The following PTPRO variants were observed in gnomAD, a reference collection of about 807,000 sequenced individuals.
PTPRO encodes protein tyrosine phosphatase receptor type O.
PTPRO carries 62 observed loss-of-function variants against 145.2 expected under a neutral mutation model. That is an observed-to-expected ratio of 0.43 (90% CI 0.35 to 0.53). PTPRO has a LOEUF of 0.53. PTPRO is among the 20% of genes least tolerant of loss of function. The pLI is 0.01. For synonymous variants in PTPRO, 565 were observed against 514.7 expected (o/e 1.10, Z -1.32); for missense variants, 1,345 against 1,482.7 (o/e 0.91, Z 1.53).
At chr12:15,527,256 G>A (rs1294413474) in intron 12 of PTPRO, among the ~76,000 whole-genome samples, 2 of 152,182 alleles carry the variant, frequency 1.3e-5, no homozygotes, top group Non-Finnish European at 2.9e-5. Flanking sequence ...CCACATTCGT[G>A]ACGCCTCCCC....
intron 1 of PTPRO, among the ~76,000 whole-genome samples, chr12:15,342,909 G>A (rs542260051): frequency 6.6e-6 from 1 of 152,292 alleles, no homozygotes; most frequent in South Asian, 2.1e-4. Flanking sequence ...ATTCAGGTAT[G>A]TGTACCTATT....
intron 1 of PTPRO, among the ~76,000 whole-genome samples, chr12:15,385,215 T>A (rs1285487899): frequency 1.3e-5 from 2 of 152,124 alleles, no homozygotes; most frequent in African/African-American, 4.8e-5. Context: ...AGATACAAAG[T>A]GTGTTAAATG....
At chr12:15,388,380 T>C (rs951122979) in intron 1 of PTPRO, among the ~76,000 whole-genome samples, 2 of 152,220 alleles carry the variant, frequency 1.3e-5, no homozygotes, top group African/African-American at 4.8e-5. Flanking sequence ...TGTACAATTC[T>C]GTTTTTTTAA....
intron 15 of PTPRO, among the ~76,000 whole-genome samples, chr12:15,552,263 C>T (rs1943484182): frequency 6.6e-6 from 1 of 152,202 alleles, no homozygotes; most frequent in African/African-American, 2.4e-5. Context: ...ATGCATTGCT[C>T]ATCAGAGCAC....
rs1319066408 is a variant in PTPRO at position 15,595,026 on chromosome 12, T to C, written c.3636T>C (p.Asn1212=). 1.2e-6 allele frequency: 2 copies of C among 1,613,568 alleles called. No individual in the cohort carries two copies. The highest frequency in any genetic ancestry group is 2.2e-5 in the South Asian group (2 of 91,060). The part of the protein sequence containing the change: ...QFCISDVIYE[N]VSKS Reference sequence around the variant, plus strand: ...GCATCAGTGATGTCATATACGAGAATGTTAGCAAGTCCTAGTTCAGAATCC... The same window carrying C: ...GCATCAGTGATGTCATATACGAGAACGTTAGCAAGTCCTAGTTCAGAATCC... The change falls in exon 26 of 27, where the codon AAT becomes AAC. Residue 1212 remains asparagine, a synonymous_variant. Transcript: ENST00000281171.
At chr12:15,523,105 A>G (rs959323402) in intron 10 of PTPRO, among the ~76,000 whole-genome samples, 3 of 152,252 alleles carry the variant, frequency 2.0e-5, no homozygotes, top group African/African-American at 7.2e-5. Context: ...AGCATACTAT[A>G]TAAGTGCTAC....
At chr12:15,435,125 C>T (rs1366992335) in intron 1 of PTPRO, among the ~76,000 whole-genome samples, 2 of 152,132 alleles carry the variant, frequency 1.3e-5, no homozygotes, top group Non-Finnish European at 2.9e-5. Context: ...TATGAAGCAT[C>T]TCTCATATTC....
intron 17 of PTPRO, 44 bp downstream of exon 17, chr12:15,560,320 T>G: frequency 7.0e-7 from 1 of 1,426,976 alleles, no homozygotes; most frequent in Non-Finnish European, 9.9e-7. Context: ...TCTTTAAAAG[T>G]TAGCTTTCAA....
intron 17 of PTPRO, among the ~76,000 whole-genome samples, chr12:15,564,557 G>T (rs1943851881): frequency 6.6e-6 from 1 of 152,216 alleles, no homozygotes; most frequent in Non-Finnish European, 1.5e-5. Context: ...TTTGCAAAGT[G>T]CTGTGAAAGC....
Position 15,566,709 on chromosome 12 carries a change from C to T in PTPRO, c.2747+1081C>T, listed in dbSNP as rs147693717. On this transcript the variant is annotated intron_variant, in intron 18 of 26. Coordinates refer to ENST00000281171, the MANE Select transcript of PTPRO (RefSeq NM_030667.3). ...CTGATTTTTGTATTTTTAGTAGAGA[C>T]GAAATTTCACTATATTGGTCAGACT... Among the ~76,000 whole-genome samples the T allele has an allele frequency of 2.4e-3, 367 of 151,944 alleles. 4 individuals carry two copies. The highest frequency in any genetic ancestry group is 0.02 in the East Asian group (104 of 5,148).
intron 1 of PTPRO, among the ~76,000 whole-genome samples, chr12:15,428,569 A>T (rs1243120502): frequency 6.6e-6 from 1 of 152,172 alleles, no homozygotes; most frequent in Non-Finnish European, 1.5e-5. Flanking sequence ...TTATTTAATA[A>T]AAAAGGATTT....
chr12:15,385,265 G>T (rs1938987211), intron 1 of PTPRO, among the ~76,000 whole-genome samples: 1 of 152,106 alleles, frequency 6.6e-6, no homozygotes, highest in Non-Finnish European at 1.5e-5. Flanking sequence ...GACAATAAGG[G>T]AAGTCCAGGG....
At chr12:15,539,326 A>T (rs1188240389) in intron 12 of PTPRO, among the ~76,000 whole-genome samples, 1 of 152,200 alleles carries the variant, frequency 6.6e-6, no homozygotes, top group Non-Finnish European at 1.5e-5. Context: ...TAAAAATTTA[A>T]AAAAAAGAAA....
chr12:15,399,919 C>T (rs896674834), intron 1 of PTPRO, among the ~76,000 whole-genome samples: 1 of 150,168 alleles, frequency 6.7e-6, no homozygotes, highest in South Asian at 2.2e-4. Context: ...GGCGTGTTGG[C>T]GCATACCTGT....
intron 1 of PTPRO, among the ~76,000 whole-genome samples, chr12:15,348,108 CAA>C (rs1017898518): frequency 6.6e-6 from 1 of 152,126 alleles, no homozygotes; most frequent in African/African-American, 2.4e-5. Context: ...TCTTATATGA[CAA>C]AAGAGACTTT....
At chr12:15,523,456 G>A (rs778479383) in intron 10 of PTPRO, among the ~76,000 whole-genome samples, 44 of 152,196 alleles carry the variant, frequency 2.9e-4, no homozygotes, top group South Asian at 8.3e-4. Context: ...CTCTTCCCTC[G>A]TTGGCAAATT....
intron 26 of PTPRO, chr12:15,595,327 A>G (rs557023017): frequency 1.3e-4 from 56 of 417,886 alleles, no homozygotes; most frequent in Non-Finnish European, 2.2e-4. Context: ...CTCTACCCAG[A>G]ACCCTAAATT....
chr12:15,506,143 T>A (rs1942316372), intron 6 of PTPRO, among the ~76,000 whole-genome samples: 1 of 152,178 alleles, frequency 6.6e-6, no homozygotes, highest in South Asian at 2.1e-4. Flanking sequence ...TATTAAATAA[T>A]TGAATTTGTT....
At chr12:15,445,964 T>C (rs1940890815) in intron 1 of PTPRO, among the ~76,000 whole-genome samples, 1 of 152,164 alleles carries the variant, frequency 6.6e-6, no homozygotes, top group South Asian at 2.1e-4. Context: ...TGCAGAGCAC[T>C]CATGAAATTG....
Sources: gnomAD v4.1 joint callset for allele counts (sites outside exome capture counted in the v4.1 genomes callset) on GRCh38, gnomAD v4.1.1 for gene constraint, MANE v1.5 for transcripts, NCBI Gene and HGNC (gene_info 2026-07-23, HGNC 2026-07-21) for gene names.